Variants in ZNF804A observed in about 807,000 individuals in gnomAD.
ZNF804A encodes zinc finger protein 804A.
Under a neutral mutation model 16.5 loss-of-function variants are expected in ZNF804A, and 2 were observed. The ratio of observed to expected loss-of-function variants is 0.12; its 90% confidence interval spans 0.05 to 0.38. The LOEUF (loss-of-function observed/expected upper bound fraction) is 0.38. Ranked by LOEUF, ZNF804A falls within the 10% of genes least tolerant of loss-of-function variation. The probability of loss-of-function intolerance (pLI) is 0.99; values close to 1 mark genes in which losing one functional copy is unlikely to be tolerated. For missense variants in ZNF804A, 1,473 were observed against 1,390.7 expected, an observed-to-expected ratio of 1.06 and a Z score of -0.94; for synonymous variants, 534 against 489.6, an observed-to-expected ratio of 1.09 and a Z score of -1.20.
chr2:184,929,074 G>T (rs1004317355), intron 2 of ZNF804A, among the ~76,000 whole-genome samples: 1 of 152,086 alleles, frequency 6.6e-6, no homozygotes. Flanking sequence ...CCTTGTGGGC[G>T]GGGGGAAGAT....
chr2:184,862,193 G>T (rs1695812252), intron 1 of ZNF804A, among the ~76,000 whole-genome samples: 1 of 152,040 alleles, frequency 6.6e-6, no homozygotes, highest in Non-Finnish European at 1.5e-5. Context: ...TTCTGCAGTG[G>T]GATGGCTGTA....
chr2:184,680,195 G>A (rs890913786), intron 1 of ZNF804A, among the ~76,000 whole-genome samples: 2 of 150,464 alleles, frequency 1.3e-5, no homozygotes, highest in African/African-American at 4.9e-5. Flanking sequence ...TGGGTCTTCT[G>A]TCTGACAAGA....
intron 1 of ZNF804A, among the ~76,000 whole-genome samples, chr2:184,841,252 G>A (rs1253815605): frequency 6.6e-6 from 1 of 152,112 alleles, no homozygotes; most frequent in Non-Finnish European, 1.5e-5. Context: ...ACAGGAAAAG[G>A]AATAGTGGTG....
At chr2:184,819,170 G>T (rs1695031943) in intron 1 of ZNF804A, among the ~76,000 whole-genome samples, 1 of 151,760 alleles carries the variant, frequency 6.6e-6, no homozygotes, top group Non-Finnish European at 1.5e-5. Context: ...ATAATCAGAA[G>T]TAAAACACTC....
chr2:184,766,812 T>C (rs1694136478), intron 1 of ZNF804A, among the ~76,000 whole-genome samples: 1 of 152,098 alleles, frequency 6.6e-6, no homozygotes, highest in Admixed American at 6.6e-5. Context: ...AGAAGCAGCC[T>C]GCCTTGAGCT....
chr2:184,755,623 T>C (rs561100723), intron 1 of ZNF804A, among the ~76,000 whole-genome samples: 2 of 152,094 alleles, frequency 1.3e-5, no homozygotes, highest in African/African-American at 4.8e-5. Flanking sequence ...AGTGTTGAGG[T>C]ATATGGATTT....
chr2:184,798,324 C>G (rs1158395799), intron 1 of ZNF804A, among the ~76,000 whole-genome samples: 1 of 151,818 alleles, frequency 6.6e-6, no homozygotes, highest in Non-Finnish European at 1.5e-5. Flanking sequence ...ATTATTCCCC[C>G]AAATATATTT....
At chr2:184,684,537 T>A (rs1339354910) in intron 1 of ZNF804A, among the ~76,000 whole-genome samples, 3 of 152,174 alleles carry the variant, frequency 2.0e-5, no homozygotes, top group Non-Finnish European at 4.4e-5. Context: ...ATTTGCATGC[T>A]GAAGAATCAT....
chr2:184,712,869 G>A (rs145830527), intron 1 of ZNF804A, among the ~76,000 whole-genome samples: 1 of 151,614 alleles, frequency 6.6e-6, no homozygotes, highest in East Asian at 1.9e-4. Context: ...TCTTTGCATA[G>A]TTTCTGCCCT....
At chr2:184,917,942 A>G (rs1245944780) in intron 2 of ZNF804A, among the ~76,000 whole-genome samples, 2 of 152,018 alleles carry the variant, frequency 1.3e-5, no homozygotes, top group African/African-American at 4.8e-5. Flanking sequence ...CACTCCCTTT[A>G]TCCTCAACAA....
intron 2 of ZNF804A, among the ~76,000 whole-genome samples, chr2:184,881,071 CA>C (rs1184473802): frequency 6.6e-6 from 1 of 151,860 alleles, no homozygotes; most frequent in African/African-American, 2.4e-5. Context: ...AAGAAAGAAT[CA>C]AAACGAGCTG....
intron 1 of ZNF804A, among the ~76,000 whole-genome samples, chr2:184,624,174 T>G (rs1273163452): frequency 1.3e-5 from 2 of 152,148 alleles, no homozygotes; most frequent in African/African-American, 2.4e-5. Context: ...TATTCTTTCA[T>G]GTAATGTTGA....
intron 1 of ZNF804A, among the ~76,000 whole-genome samples, chr2:184,628,383 A>G (rs1373139193): frequency 1.3e-5 from 2 of 152,166 alleles, no homozygotes. Context: ...TATTAAAAGA[A>G]ATATTTATTG....
At chr2:184,720,202 A>G (rs1423898027) in intron 1 of ZNF804A, among the ~76,000 whole-genome samples, 1 of 152,170 alleles carries the variant, frequency 6.6e-6, no homozygotes, top group East Asian at 1.9e-4. Flanking sequence ...ACCCGCTCCC[A>G]TAATTCAGTC....
At chr2:184,708,348 T>C (rs1693065427) in intron 1 of ZNF804A, among the ~76,000 whole-genome samples, 1 of 152,082 alleles carries the variant, frequency 6.6e-6, no homozygotes, top group Non-Finnish European at 1.5e-5. Flanking sequence ...AAAGCTATTC[T>C]AAATAAAAAG....
chr2:184,819,651 T>C (rs532014989), intron 1 of ZNF804A, among the ~76,000 whole-genome samples: 6 of 150,500 alleles, frequency 4.0e-5, no homozygotes, highest in African/African-American at 1.5e-4. Context: ...AAAAAAAAAA[T>C]TTAATAAAAT....
rs192232822 is a variant in ZNF804A, at chr2:184,717,089, C to T, written c.111+118019C>T. 2.0e-4 allele frequency among the ~76,000 whole-genome samples: 30 copies of T among 151,968 alleles called. No individual in the cohort carries two copies. The East Asian group carries it at 2.5e-3, about 13-fold the overall frequency. On this transcript the variant is annotated intron_variant, in intron 1 of 3. Transcript: ENST00000302277. Reference sequence around the variant, plus strand: ...GCAGGGTATCAGATGTAAAGACAAACGAATTAGACATAAATAAATAATTTG... The same window carrying T: ...GCAGGGTATCAGATGTAAAGACAAATGAATTAGACATAAATAAATAATTTG...
chr2:184,802,060 C>T (rs1694735070), intron 1 of ZNF804A, among the ~76,000 whole-genome samples: 1 of 152,152 alleles, frequency 6.6e-6, no homozygotes, highest in Non-Finnish European at 1.5e-5. Flanking sequence ...AATATTGTAG[C>T]TCTTTAAGCT....
intron 2 of ZNF804A, among the ~76,000 whole-genome samples, chr2:184,924,892 G>A (rs992142643): frequency 1.3e-5 from 2 of 151,640 alleles, no homozygotes; most frequent in Non-Finnish European, 2.9e-5. Flanking sequence ...ATTCCATTGT[G>A]TCAGAGAAGA....
Sources: allele counts gnomAD v4.1 joint callset (sites outside exome capture counted in the v4.1 genomes callset), GRCh38; gene constraint gnomAD v4.1.1; transcripts MANE v1.5; gene names NCBI Gene and HGNC (gene_info 2026-07-23, HGNC 2026-07-21).